Variants in SPATS1 observed in about 807,000 individuals in gnomAD.
SPATS1 encodes the protein spermatogenesis-associated serine-rich protein 1.
In SPATS1, 23 loss-of-function variants were observed where a neutral mutation model predicts 33.6. The observed-to-expected ratio is 0.68, with a 90% CI of 0.49 to 0.97. The LOEUF (loss-of-function observed/expected upper bound fraction) is 0.97, where lower values mean the gene tolerates loss of function less well. Ranked by LOEUF, SPATS1 falls within the 50% of genes least tolerant of loss-of-function variation. SPATS1 has a pLI of 0.00. For missense variants in SPATS1, 327 were observed against 361.0 expected, an observed-to-expected ratio of 0.91 and a Z score of 0.76; for synonymous variants, 131 against 125.6, an observed-to-expected ratio of 1.04 and a Z score of -0.29.
Position 44,343,315 on chromosome 6 carries a change from G to A in SPATS1, c.139+81G>A, listed in dbSNP as rs150334926. Reference sequence around the variant, plus strand: ...CACCCGGGGGCGGGGGCAGGTGGGGGGCACCATTTGAAGTTTAGAAGGAAG... The same window carrying A: ...CACCCGGGGGCGGGGGCAGGTGGGGAGCACCATTTGAAGTTTAGAAGGAAG... On this transcript the variant is annotated intron_variant, in intron 2 of 8. Coordinates refer to ENST00000674044, the MANE Select transcript of SPATS1 (RefSeq NM_001372081.1). 4.0e-4 allele frequency: 614 copies of A among 1,526,350 alleles called. 11 individuals are homozygous for A. The East Asian group carries it at 0.01, about 25-fold the overall frequency. 94.6% of individuals were successfully genotyped at this position (1,526,350 alleles called of 1,614,324 possible). A position where few individuals can be genotyped will look rare whatever the true frequency, so the allele number is the denominator to read the frequency against.
At chr6:44,347,714 C>A (rs1331172107) in intron 2 of SPATS1, among the ~76,000 whole-genome samples, 3 of 152,054 alleles carry the variant, frequency 2.0e-5, no homozygotes, top group Admixed American at 6.5e-5. Flanking sequence ...GTTGTTCCAG[C>A]AATATTTTTT....
chr6:44,376,488 C>A lies in SPATS1; in HGVS notation c.874+15C>A. The stretch of plus-strand genomic sequence containing the variant: ...ACACCTTTCTGGTGGGTTAAAGAAA[C>A]TTCAAAGAATAGTGTAAAAACTGGA... On this transcript the variant is annotated intron_variant, in intron 8 of 8. Transcript: ENST00000674044. 1 of 1,568,014 alleles carries A rather than the reference C, an allele frequency of 6.4e-7. No homozygotes were observed. Among genetic ancestry groups the A allele is most frequent in the South Asian group, 1.2e-5 (1 of 86,318 alleles).
At chr6:44,376,239 A>G (rs1789942328) in intron 7 of SPATS1, 119 bp from the exon 8 acceptor site, 1 of 619,124 alleles carries the variant, frequency 1.6e-6, no homozygotes, top group Non-Finnish European at 2.8e-6. Context: ...TTTTATTTTG[A>G]AGCTGGTCTC....
At chr6:44,369,131 C>T (rs558055218) in intron 6 of SPATS1, among the ~76,000 whole-genome samples, 9 of 152,154 alleles carry the variant, frequency 5.9e-5, no homozygotes, top group Non-Finnish European at 7.4e-5. Flanking sequence ...CTCCTGACCT[C>T]GTGATCCGCC....
At chr6:44,363,607 T>G (rs952058599) in intron 5 of SPATS1, among the ~76,000 whole-genome samples, 4 of 152,086 alleles carry the variant, frequency 2.6e-5, no homozygotes, top group Non-Finnish European at 5.9e-5. Flanking sequence ...CCTTTCTTTT[T>G]CTTTCTTCTC....
chr6:44,375,188 A>T (rs1789854242), intron 7 of SPATS1, among the ~76,000 whole-genome samples: 1 of 152,196 alleles, frequency 6.6e-6, no homozygotes, highest in Non-Finnish European at 1.5e-5. Flanking sequence ...CTCAGCTGGG[A>T]TTCTGAAGAC....
At position 44,368,467 on chromosome 6, in the gene SPATS1, A is replaced by T. The variant is rs755687718; in HGVS notation, c.663A>T (p.Ala221=). ...YPEQSKGFHK[A]GSMLPPVNFS... ...AACAGAGTAAAGGCTTCCACAAAGC[A>T]GGATCAATGCTCCCACCAGTGAATT... is the stretch of plus-strand genomic sequence containing the variant. Residue 221 remains alanine, a synonymous_variant, in exon 6 of 9, where the codon GCA becomes GCT. Coordinates refer to ENST00000674044, the MANE Select transcript of SPATS1 (RefSeq NM_001372081.1). 6.2e-7 allele frequency: 1 copy of T among 1,613,232 alleles called. No homozygotes were observed. Among genetic ancestry groups the T allele is most frequent in the Non-Finnish European group, 8.5e-7 (1 of 1,179,516 alleles).
intron 5 of SPATS1, among the ~76,000 whole-genome samples, chr6:44,367,393 G>A (rs1356536218): frequency 2.6e-5 from 4 of 152,180 alleles, no homozygotes; most frequent in African/African-American, 9.7e-5. Flanking sequence ...TACCCAGCAG[G>A]CACTCAATGC....
chr6:44,352,622 A>G (rs1788308090), intron 2 of SPATS1, 104 bp from the exon 3 acceptor site: 2 of 1,034,422 alleles, frequency 1.9e-6, no homozygotes, highest in Middle Eastern at 2.5e-4. Context: ...TAAATGTTCA[A>G]TAAATGTTAG....
intron 2 of SPATS1, among the ~76,000 whole-genome samples, chr6:44,347,371 A>T (rs1027065995): frequency 9.2e-5 from 1 of 10,834 alleles, no homozygotes; most frequent in Non-Finnish European, 2.9e-4. Flanking sequence ...CTTAAAGTAT[A>T]AAAAAAAAGC....
At chr6:44,348,457 T>C (rs537001918) in intron 2 of SPATS1, among the ~76,000 whole-genome samples, 1 of 152,288 alleles carries the variant, frequency 6.6e-6, no homozygotes, top group African/African-American at 2.4e-5. Flanking sequence ...GTTACTCTTT[T>C]TTTTTTCTTA....
chr6:44,359,587 A>AT (rs1788782388), intron 3 of SPATS1, among the ~76,000 whole-genome samples: 1 of 150,590 alleles, frequency 6.6e-6, no homozygotes, highest in African/African-American at 2.4e-5. Context: ...TTTTTTTCTT[A>AT]TTTTTTTGAG....
chr6:44,361,778 T>C (rs1788936414), intron 4 of SPATS1, 53 bp from the exon 5 acceptor site: 3 of 1,609,144 alleles, frequency 1.9e-6, no homozygotes, highest in Non-Finnish European at 2.6e-6. Context: ...GTCATCCAGT[T>C]GCATTATGAG....
At chr6:44,358,276 C>T (rs951561913) in intron 3 of SPATS1, among the ~76,000 whole-genome samples, 4 of 152,184 alleles carry the variant, frequency 2.6e-5, no homozygotes, top group African/African-American at 9.7e-5. Flanking sequence ...GATAACAGAT[C>T]ATTGTACCTG....
intron 2 of SPATS1, among the ~76,000 whole-genome samples, chr6:44,345,202 T>G (rs1787801089): frequency 6.6e-6 from 1 of 152,110 alleles, no homozygotes; most frequent in African/African-American, 2.4e-5. Context: ...GAGAACATGT[T>G]TAAGTGTCTC....
chr6:44,361,745 C>T, intron 4 of SPATS1, 86 bp from the exon 5 acceptor site: 1 of 1,544,140 alleles, frequency 6.5e-7, no homozygotes, highest in South Asian at 1.1e-5. Context: ...CAGATAGTGC[C>T]TGTGGAGTTT....
chr6:44,372,252 CAAAAA>C (rs1202728244), intron 7 of SPATS1, among the ~76,000 whole-genome samples: 1 of 80,650 alleles, frequency 1.2e-5, no homozygotes, highest in Non-Finnish European at 2.9e-5. Flanking sequence ...GACTCCATCT[CAAAAA>C]AAAAAAAAAA....
chr6:44,364,884 G>A (rs1413889993), intron 5 of SPATS1, among the ~76,000 whole-genome samples: 4 of 150,812 alleles, frequency 2.7e-5, no homozygotes, highest in Non-Finnish European at 4.4e-5. Flanking sequence ...TGCAACCTCC[G>A]CCCACTGAGT....
intron 2 of SPATS1, among the ~76,000 whole-genome samples, chr6:44,345,938 G>C (rs929378619): frequency 3.3e-5 from 5 of 152,010 alleles, no homozygotes; most frequent in African/African-American, 4.8e-5. Context: ...CAAACACCTG[G>C]GTGTTTGCAA....
Sources: allele counts gnomAD v4.1 joint callset (sites outside exome capture counted in the v4.1 genomes callset), GRCh38; gene constraint gnomAD v4.1.1; transcripts MANE v1.5; gene names NCBI Gene and HGNC (gene_info 2026-07-23, HGNC 2026-07-21).